Variants in DNAH14 observed in about 807,000 individuals in gnomAD.
DNAH14 encodes the protein axonemal beta dynein heavy chain 14.
DNAH14 carries 478 observed loss-of-function variants against 520.9 expected under a neutral mutation model. The observed-to-expected ratio is 0.92, with a 90% CI of 0.85 to 0.99. DNAH14 has a LOEUF of 0.99. Among genes scored for constraint, DNAH14 ranks in the 50% least tolerant of loss-of-function variants. The probability of loss-of-function intolerance (pLI) is 0.00; values close to 1 mark genes in which losing one functional copy is unlikely to be tolerated. For synonymous variants in DNAH14, 1,581 were observed against 1,757.2 expected (o/e 0.90, Z 2.51); for missense variants, 4,831 against 5,234.5 (o/e 0.92, Z 2.38).
At chr1:225,139,102 GTTA>G (rs1278474643) in intron 27 of DNAH14, among the ~76,000 whole-genome samples, 2 of 152,134 alleles carry the variant, frequency 1.3e-5, no homozygotes, top group African/African-American at 4.8e-5. Flanking sequence ...GTGGACACAA[GTTA>G]TTATTATCAA....
At chr1:225,324,700 G>A (rs1362359029) in intron 63 of DNAH14, 37 bp from the exon 64 acceptor site, 36 of 1,514,072 alleles carry the variant, frequency 2.4e-5, no homozygotes, top group Non-Finnish European at 3.1e-5. Flanking sequence ...TAAACCCGAC[G>A]TTTTTGACAC....
At chr1:225,169,782 C>G (rs887731133) in intron 36 of DNAH14, among the ~76,000 whole-genome samples, 3 of 152,144 alleles carry the variant, frequency 2.0e-5, no homozygotes, top group African/African-American at 7.2e-5. Context: ...CACAAAGATA[C>G]TCCTTGAGAA....
At chr1:224,945,521 C>T (rs7415021) in intron 1 of DNAH14, among the ~76,000 whole-genome samples, 5,204 of 151,666 alleles carry the variant, frequency 0.034, 283 homozygotes, top group African/African-American at 0.12. Flanking sequence ...AGCTTTGTTC[C>T]GTTGTTGGTG....
At chr1:225,308,999 C>T (rs1190950512) in intron 60 of DNAH14, among the ~76,000 whole-genome samples, 4 of 152,208 alleles carry the variant, frequency 2.6e-5, no homozygotes, top group African/African-American at 9.7e-5. Flanking sequence ...ATATGTAAAC[C>T]TATACTCTAG....
intron 18 of DNAH14, 124 bp downstream of exon 18, chr1:225,079,672 CTTTTTTTTT>C (rs58242386): frequency 1.8e-5 from 6 of 326,690 alleles, no homozygotes; most frequent in Non-Finnish European, 3.0e-5. Context: ...TACAAGTATT[CTTTTTTTTT>C]TTTTTTTTTT....
At chr1:225,188,478 T>C (rs2085013151) in intron 37 of DNAH14, among the ~76,000 whole-genome samples, 1 of 151,980 alleles carries the variant, frequency 6.6e-6, no homozygotes, top group Non-Finnish European at 1.5e-5. Flanking sequence ...TAAAACTTTA[T>C]CACAAGTATG....
At chr1:225,153,649 A>G in intron 33 of DNAH14, 101 bp from the exon 34 acceptor site, 1 of 752,124 alleles carries the variant, frequency 1.3e-6, no homozygotes, top group Non-Finnish European at 2.1e-6. Flanking sequence ...GTTTCCCTGC[A>G]GAGCATAGAT....
chr1:224,982,977 G>A (rs543881503), intron 8 of DNAH14, among the ~76,000 whole-genome samples: 34 of 152,216 alleles, frequency 2.2e-4, no homozygotes, highest in South Asian at 1.9e-3. Context: ...CATTTGTTCC[G>A]AGGTACAGTT....
At chr1:225,235,863 T>A (rs2091537077) in intron 42 of DNAH14, among the ~76,000 whole-genome samples, 3 of 152,208 alleles carry the variant, frequency 2.0e-5, no homozygotes, top group Non-Finnish European at 4.4e-5. Flanking sequence ...TTGGTTGTAT[T>A]TCTATGGAGT....
intron 84 of DNAH14, chr1:225,397,737 T>G (rs2096035815): frequency 6.6e-6 from 1 of 152,222 alleles, no homozygotes; most frequent in South Asian, 2.1e-4. Flanking sequence ...CTATTTAACC[T>G]ATATCATTCA....
chr1:225,100,939 G>A (rs1253866121), intron 23 of DNAH14, 55 bp downstream of exon 23: 1 of 1,350,488 alleles, frequency 7.4e-7, no homozygotes, highest in African/African-American at 1.5e-5. Context: ...TAAAGTAAAA[G>A]TGATATAATG....
At chr1:225,301,340 A>G (rs1233726426) in intron 56 of DNAH14, among the ~76,000 whole-genome samples, 1 of 152,208 alleles carries the variant, frequency 6.6e-6, no homozygotes. Context: ...TCTTACACAA[A>G]GATTCTTTCC....
At chr1:225,322,395 T>A (rs1463945378) in intron 61 of DNAH14, among the ~76,000 whole-genome samples, 1 of 152,142 alleles carries the variant, frequency 6.6e-6, no homozygotes, top group Non-Finnish European at 1.5e-5. Flanking sequence ...AGCCCAAGAC[T>A]TTTTATAATA....
rs1358605582 is a variant in DNAH14, at chr1:225,381,540, T to C, written c.13038T>C (p.Phe4346=). Residue 4346 remains phenylalanine (F), a synonymous_variant, in exon 81 of 86, where the codon TTT becomes TTC. Coordinates refer to ENST00000682510, the MANE Select transcript of DNAH14 (RefSeq NM_001367479.1). ...IILTQELEEI[F]NSFLNMRVPT... is the part of the protein sequence containing the mutation. ...TCACCCAAGAATTGGAGGAAATATT[T>C]AACTCTTTTCTTAATATGAGAGTGC... 1 of 1,538,338 alleles carries C rather than the reference T, an allele frequency of 6.5e-7. No individual in the cohort carries two copies. Among genetic ancestry groups the C allele is most frequent in the Middle Eastern group, 1.7e-4 (1 of 5,952 alleles).
intron 2 of DNAH14, among the ~76,000 whole-genome samples, chr1:224,953,371 G>A (rs1418861276): frequency 2.0e-5 from 3 of 151,940 alleles, no homozygotes; most frequent in East Asian, 1.9e-4. Context: ...TGATCCACCC[G>A]CCTCGGCCTC....
chr1:225,264,060 G>C (rs1159810399), intron 46 of DNAH14, 137 bp from the exon 47 acceptor site: 1 of 634,570 alleles, frequency 1.6e-6, no homozygotes, highest in East Asian at 2.8e-5. Flanking sequence ...CATCTGAAAA[G>C]GTGGAAACAG....
intron 5 of DNAH14, among the ~76,000 whole-genome samples, chr1:224,967,136 A>G (rs1417567164): frequency 6.6e-6 from 1 of 152,146 alleles, no homozygotes; most frequent in Non-Finnish European, 1.5e-5. Flanking sequence ...AAGGTATGTC[A>G]TCAAGTTCTT....
chr1:225,056,194 C>T (rs2069070482), intron 17 of DNAH14, among the ~76,000 whole-genome samples: 2 of 152,004 alleles, frequency 1.3e-5, no homozygotes, highest in African/African-American at 2.4e-5. Context: ...CTCTCCAGCA[C>T]CTGTTGTTTC....
intron 72 of DNAH14, among the ~76,000 whole-genome samples, chr1:225,353,284 G>C (rs778625590): frequency 6.6e-6 from 1 of 152,102 alleles, no homozygotes; most frequent in Non-Finnish European, 1.5e-5. Flanking sequence ...CTCTATTGTG[G>C]TGGTAAGAGG....
Sources: allele counts gnomAD v4.1 joint callset (sites outside exome capture counted in the v4.1 genomes callset), GRCh38; gene constraint gnomAD v4.1.1; transcripts MANE v1.5; gene names NCBI Gene and HGNC (gene_info 2026-07-23, HGNC 2026-07-21).